Variants in CNTNAP4 observed in about 807,000 individuals in gnomAD.
The protein encoded by CNTNAP4 is contactin associated protein family member 4.
A neutral mutation model predicts 148.4 loss-of-function variants in CNTNAP4; 98 were observed. The observed-to-expected ratio is 0.66, with a 90% CI of 0.56 to 0.78. The LOEUF (loss-of-function observed/expected upper bound fraction) is 0.78. CNTNAP4 is among the 30% of genes least tolerant of loss of function. The probability of loss-of-function intolerance (pLI) is 0.00; values close to 1 mark genes in which losing one functional copy is unlikely to be tolerated. For missense variants in CNTNAP4, 1,935 were observed against 1,565.6 expected (o/e 1.24, Z -3.98); for synonymous variants, 730 against 565.1 (o/e 1.29, Z -4.14).
intron 2 of CNTNAP4, among the ~76,000 whole-genome samples, chr16:76,331,439 C>G (rs762954565): frequency 6.6e-6 from 1 of 151,210 alleles, no homozygotes; most frequent in Admixed American, 6.6e-5. Context: ...CCACCTGCCT[C>G]AGCATCCCAA....
chr16:76,525,582 TA>T (rs1226954634), intron 17 of CNTNAP4, among the ~76,000 whole-genome samples: 10 of 146,468 alleles, frequency 6.8e-5, no homozygotes, highest in African/African-American at 2.5e-4. Context: ...TTTGTATATA[TA>T]AAAAATTTTA....
Position 76,538,095 on chromosome 16 carries a change from T to A in CNTNAP4, c.2996-21T>A, listed in dbSNP as rs193268481. The A allele has an allele frequency of 4.3e-3, 3,559 of 824,878 alleles. 12 individuals are homozygous for A. The highest frequency in any genetic ancestry group is 5.4e-3 in the Non-Finnish European group (3,315 of 609,556). 51.1% of individuals were successfully genotyped at this position (824,878 alleles called of 1,614,324 possible). ...TTGTACTTAAAATTTTTAACAAAAA[T>A]ATATATATATATTATTTCAGAGATT... On this transcript the variant is annotated intron_variant, in intron 18 of 23. Transcript: ENST00000611870.
intron 10 of CNTNAP4, among the ~76,000 whole-genome samples, chr16:76,474,865 A>G (rs1262482034): frequency 2.0e-5 from 3 of 152,236 alleles, no homozygotes; most frequent in African/African-American, 7.2e-5. Context: ...TAACAATGCC[A>G]TAACAACTTA....
intron 15 of CNTNAP4, among the ~76,000 whole-genome samples, chr16:76,501,406 T>C (rs1379547964): frequency 6.6e-6 from 1 of 152,190 alleles, no homozygotes; most frequent in Non-Finnish European, 1.5e-5. Flanking sequence ...TGCCTATTTG[T>C]ATGTTTTAAG....
intron 2 of CNTNAP4, among the ~76,000 whole-genome samples, chr16:76,338,567 C>T (rs949644885): frequency 2.0e-5 from 3 of 152,182 alleles, no homozygotes; most frequent in Non-Finnish European, 4.4e-5. Context: ...GCCAGCAGTG[C>T]TCTCCACACC....
chr16:76,534,398 A>AATGTACT (rs1404802370), intron 17 of CNTNAP4, among the ~76,000 whole-genome samples: 1 of 152,206 alleles, frequency 6.6e-6, no homozygotes, highest in Non-Finnish European at 1.5e-5. Context: ...AGTACATACA[A>AATGTACT]GGTCCTGGTG....
chr16:76,451,072 G>A (rs2080453618), intron 7 of CNTNAP4, among the ~76,000 whole-genome samples: 1 of 152,184 alleles, frequency 6.6e-6, no homozygotes, highest in African/African-American at 2.4e-5. Flanking sequence ...ATCCAGCGAT[G>A]GGCCTGGGCT....
Position 76,461,998 on chromosome 16 carries a change from C to T in CNTNAP4, c.1376C>T (p.Ser459Phe), listed in dbSNP as rs767695441. The change falls in exon 9 of 24, where the codon TCT (serine) becomes TTT (phenylalanine). Residue 459 changes from serine (S) to phenylalanine (F), a missense_variant. Coordinates refer to ENST00000611870, the MANE Select transcript of CNTNAP4 (RefSeq NM_033401.5). ...NDGQWHSVSL[S>F]AKKNHLSVAV... ...GGGCAGTGGCATTCTGTCTCTTTAT[C>T]TGCTAAAAAGAATCACTTGAGTGTG... is the stretch of plus-strand genomic sequence containing the variant. The T allele has an allele frequency of 1.4e-5, 22 of 1,613,810 alleles. No homozygotes were observed. The highest frequency in any genetic ancestry group is 1.8e-5 in the Non-Finnish European group (21 of 1,179,758).
chr16:76,467,049 C>G (rs2081198817), intron 9 of CNTNAP4, among the ~76,000 whole-genome samples: 1 of 152,046 alleles, frequency 6.6e-6, no homozygotes, highest in African/African-American at 2.4e-5. Context: ...TTTAATATTG[C>G]TGGCTGGCAT....
Position 76,501,850 on chromosome 16 carries a change from C to T in CNTNAP4, c.2365+3156C>T, listed in dbSNP as rs558859702. Reference sequence around the variant, plus strand: ...CTTTGGGAGGCCGAGGCGGGCGGATCACGAGGTCAGGAGATCGAGACCATC... The same window carrying T: ...CTTTGGGAGGCCGAGGCGGGCGGATTACGAGGTCAGGAGATCGAGACCATC... On this transcript the variant is annotated intron_variant, in intron 15 of 23. Coordinates refer to ENST00000611870, the MANE Select transcript of CNTNAP4 (RefSeq NM_033401.5). Among the ~76,000 whole-genome samples, 135 of 152,232 alleles carry T rather than the reference C, an allele frequency of 8.9e-4. 1 individual carries two copies. Among genetic ancestry groups the T allele is most frequent in the African/African-American group, 3.2e-3 (132 of 41,552 alleles).
chr16:76,424,571 T>G (rs2079312209), intron 3 of CNTNAP4, among the ~76,000 whole-genome samples: 1 of 151,902 alleles, frequency 6.6e-6, no homozygotes, highest in South Asian at 2.1e-4. Flanking sequence ...CTGGCCAACA[T>G]GGTAAAATCC....
At chr16:76,374,760 T>G (rs113634897) in intron 3 of CNTNAP4, among the ~76,000 whole-genome samples, 1,918 of 72,360 alleles carry the variant, frequency 0.027, 55 homozygotes, top group African/African-American at 0.064. Flanking sequence ...ATTATTATTA[T>G]TATTATTATT....
chr16:76,413,483 C>T (rs1329578006), intron 3 of CNTNAP4, among the ~76,000 whole-genome samples: 2 of 151,144 alleles, frequency 1.3e-5, no homozygotes, highest in African/African-American at 4.8e-5. Flanking sequence ...ATTCTCTGAT[C>T]TGTTCCAGTG....
intron 3 of CNTNAP4, among the ~76,000 whole-genome samples, chr16:76,364,354 CTGTT>C (rs1319596538): frequency 2.7e-5 from 4 of 150,536 alleles, no homozygotes; most frequent in Non-Finnish European, 5.9e-5. Context: ...TTAAATGGAT[CTGTT>C]TGTAAGCAAG....
intron 12 of CNTNAP4, among the ~76,000 whole-genome samples, chr16:76,484,760 T>G (rs183466679): frequency 1.3e-5 from 2 of 152,352 alleles, no homozygotes; most frequent in East Asian, 3.9e-4. Context: ...AAGAGTTACC[T>G]TCTATCAATG....
rs765734600 is a variant in CNTNAP4, at chr16:76,538,190, T to C, written c.3070T>C (p.Ser1024Pro). The change falls in exon 19 of 24, where the codon TCC becomes CCC. Residue 1024 changes from serine to proline, a missense_variant. By Grantham distance (74) the Ser-to-Pro change is moderately conservative. Transcript: ENST00000611870. ...AGAAAATTATCTTTTAAGTAAAAAC[T>C]CCAGCTCCCACGCTGCTTCATTTCA... ...FQENYLLSKNSSSHAASFHGD... is the reference protein window; with the variant it reads ...FQENYLLSKNPSSHAASFHGD... 35 of 1,605,870 alleles carry C rather than the reference T, an allele frequency of 2.2e-5. No individual in the cohort carries two copies. The highest frequency in any genetic ancestry group is 2.7e-5 in the Non-Finnish European group (32 of 1,177,130).
intron 2 of CNTNAP4, among the ~76,000 whole-genome samples, chr16:76,324,969 A>C (rs1242865747): frequency 6.6e-6 from 1 of 152,242 alleles, no homozygotes. Context: ...AGCCCATAGT[A>C]GTTAGCTACA....
At chr16:76,395,613 T>A (rs1286013407) in intron 3 of CNTNAP4, among the ~76,000 whole-genome samples, 1 of 152,124 alleles carries the variant, frequency 6.6e-6, no homozygotes, top group Non-Finnish European at 1.5e-5. Context: ...GAAAAAATAA[T>A]ATTTTATAAG....
chr16:76,333,032 C>T (rs1021893651), intron 2 of CNTNAP4, among the ~76,000 whole-genome samples: 2 of 152,208 alleles, frequency 1.3e-5, no homozygotes, highest in Non-Finnish European at 2.9e-5. Context: ...TCACTTTACA[C>T]TCATTAACAG....
Sources: allele counts gnomAD v4.1 joint callset (sites outside exome capture counted in the v4.1 genomes callset), GRCh38; gene constraint gnomAD v4.1.1; transcripts MANE v1.5; gene names NCBI Gene and HGNC (gene_info 2026-07-23, HGNC 2026-07-21).